The following SDHB variants were observed in gnomAD, a reference collection of about 807,000 sequenced individuals.
SDHB encodes the protein succinate dehydrogenase complex iron sulfur subunit B.
Under a neutral mutation model 39.7 loss-of-function variants are expected in SDHB, and 21 were observed. The ratio of observed to expected loss-of-function variants is 0.53; its 90% CI spans 0.37 to 0.76. The LOEUF is 0.76. Ranked by LOEUF, SDHB falls within the 30% of genes least tolerant of loss-of-function variation. The pLI, the probability that SDHB is intolerant of heterozygous loss-of-function variation, is 0.00. For synonymous variants in SDHB, 118 were observed against 117.0 expected, an observed-to-expected ratio of 1.01 and a Z score of -0.06; for missense variants, 343 against 350.9, an observed-to-expected ratio of 0.98 and a Z score of 0.18.
At chr1:17,022,870 G>T in intron 6 of SDHB, 140 bp from the exon 7 acceptor site, 2 of 1,086,136 alleles carry the variant, frequency 1.8e-6, no homozygotes, top group Non-Finnish European at 1.3e-6. Flanking sequence ...TTTAATTCTT[G>T]TCCATCTTTC....
Position 17,018,752 on chromosome 1 carries a change from T to C in SDHB, c.*129A>G, listed in dbSNP as rs191249882. Reference sequence around the variant, plus strand: ...TTTTTGTTAATAAAGTAGAATAACATTTATTTCTTAAAATTTTTATTATAC... The same window carrying C: ...TTTTTGTTAATAAAGTAGAATAACACTTATTTCTTAAAATTTTTATTATAC... On this transcript the variant is annotated 3_prime_UTR_variant, in exon 8 of 8. Transcript: ENST00000375499. 1.7e-5 allele frequency: 12 copies of C among 698,708 alleles called. No individual in the cohort carries two copies. The highest frequency in any genetic ancestry group is 1.6e-4 in the Admixed American group (7 of 42,858). The allele number at this position is 698,708 out of a possible 1,614,324, so 43.3% of individuals were successfully genotyped here. A position where few individuals can be genotyped will look rare whatever the true frequency, so the allele number is the denominator to read the frequency against.
intron 7 of SDHB, among the ~76,000 whole-genome samples, chr1:17,021,613 T>A (rs1408247994): frequency 6.6e-6 from 1 of 151,974 alleles, no homozygotes; most frequent in African/African-American, 2.4e-5. Context: ...GCATGAGTGG[T>A]GCCTGCCTGT....
chr1:17,030,132 T>C (rs767835707), intron 3 of SDHB, among the ~76,000 whole-genome samples: 1 of 152,068 alleles, frequency 6.6e-6, no homozygotes, highest in African/African-American at 2.4e-5. Flanking sequence ...AAGGTTGCAG[T>C]GAGCAGAGAT....
chr1:17,045,005 ATCT>A (rs2078101783), intron 1 of SDHB, 117 bp from the exon 2 acceptor site: 1 of 879,688 alleles, frequency 1.1e-6, no homozygotes. Flanking sequence ...CTGACACATA[ATCT>A]TCTTAGAAAA....
chr1:17,044,472 G>A (rs1172916150), intron 2 of SDHB, among the ~76,000 whole-genome samples: 2 of 152,024 alleles, frequency 1.3e-5, no homozygotes, highest in African/African-American at 4.8e-5. Flanking sequence ...TTACAGGCAT[G>A]AGCCACTATA....
intron 3 of SDHB, among the ~76,000 whole-genome samples, chr1:17,029,971 G>A (rs551716319): frequency 6.6e-6 from 1 of 152,342 alleles, no homozygotes; most frequent in Admixed American, 6.5e-5. Context: ...GGAGGCTGAG[G>A]TGGGCAGATC....
intron 3 of SDHB, among the ~76,000 whole-genome samples, chr1:17,029,321 T>C (rs2078010507): frequency 6.6e-6 from 1 of 151,890 alleles, no homozygotes; most frequent in African/African-American, 2.4e-5. Flanking sequence ...CAGGGTTTTG[T>C]TATGTTGCCC....
At chr1:17,024,202 G>A in intron 5 of SDHB, 128 bp from the exon 6 acceptor site, 1 of 715,512 alleles carries the variant, frequency 1.4e-6, no homozygotes, top group Non-Finnish European at 2.5e-6. Context: ...AATTTTCTTA[G>A]CAAAATCCAA....
rs774090318 is a variant in SDHB at position 17,024,001 on chromosome 1, T to C, written c.614A>G (p.Lys205Arg). The change falls in exon 6 of 8, where the codon AAA becomes AGA. Residue 205 changes from lysine (K) to arginine (R), a missense_variant. Physicochemically the swap from Lys to Arg is conservative, Grantham distance 26. Transcript: ENST00000375499. ...SCPSYWWNGD[K>R]YLGPAVLMQA... ...CATAAGAACTGCAGGCCCCAGATAT[T>C]TGTCTCCGTTCCACCAGTAGCTGGG... 2.5e-6 allele frequency: 4 copies of C among 1,613,956 alleles called. No individual in the cohort carries two copies. The South Asian group carries it at 3.3e-5, about 13-fold the overall frequency.
intron 2 of SDHB, among the ~76,000 whole-genome samples, chr1:17,038,544 C>T (rs1295054164): frequency 2.0e-5 from 3 of 152,176 alleles, no homozygotes; most frequent in Non-Finnish European, 4.4e-5. Flanking sequence ...CTTACATATG[C>T]CTTCTACTTC....
At chr1:17,042,547 A>G (rs568181846) in intron 2 of SDHB, among the ~76,000 whole-genome samples, 40 of 152,100 alleles carry the variant, frequency 2.6e-4, no homozygotes, top group Non-Finnish European at 3.7e-4. Flanking sequence ...GGAAGCTAAA[A>G]TGGGTGGATT....
At chr1:17,022,510 G>T in intron 7 of SDHB, 98 bp downstream of exon 7, 1 of 1,510,280 alleles carries the variant, frequency 6.6e-7, no homozygotes, top group Non-Finnish European at 9.2e-7. Flanking sequence ...CTTCTCAAAT[G>T]ACTAGGGTTG....
At chr1:17,047,726 G>C (rs2078121747) in intron 1 of SDHB, among the ~76,000 whole-genome samples, 1 of 150,804 alleles carries the variant, frequency 6.6e-6, no homozygotes, top group Non-Finnish European at 1.5e-5. Flanking sequence ...GTCACTGATT[G>C]TGCAGTGGCA....
At chr1:17,033,263 C>T in intron 2 of SDHB, 118 bp from the exon 3 acceptor site, 1 of 821,162 alleles carries the variant, frequency 1.2e-6, no homozygotes, top group East Asian at 2.6e-5. Context: ...TCTCAGGTCA[C>T]CTTCGGAATT....
intron 7 of SDHB, among the ~76,000 whole-genome samples, chr1:17,019,896 C>T (rs1174685105): frequency 6.6e-6 from 1 of 152,082 alleles, no homozygotes; most frequent in African/African-American, 2.4e-5. Context: ...CCACACCTGG[C>T]TAATTAAAAA....
chr1:17,049,076 T>A (rs1178972100), intron 1 of SDHB, among the ~76,000 whole-genome samples: 2 of 152,252 alleles, frequency 1.3e-5, no homozygotes, highest in African/African-American at 4.8e-5. Flanking sequence ...CATGGCTCAC[T>A]GCAGCCTTTA....
chr1:17,035,277 ATACTT>A (rs544776309), intron 2 of SDHB, among the ~76,000 whole-genome samples: 2 of 152,232 alleles, frequency 1.3e-5, no homozygotes, highest in East Asian at 1.9e-4. Context: ...GGTCTGATAA[ATACTT>A]TACATTTTTT....
intron 1 of SDHB, among the ~76,000 whole-genome samples, chr1:17,047,051 T>C (rs144199388): frequency 1.7e-4 from 26 of 152,266 alleles, no homozygotes; most frequent in Non-Finnish European, 2.5e-4. Flanking sequence ...TAGATTCATA[T>C]GCATTTATAG....
chr1:17,052,307 C>T (rs997851810), intron 1 of SDHB: 1 of 152,164 alleles, frequency 6.6e-6, no homozygotes, highest in African/African-American at 2.4e-5. Flanking sequence ...GAATTCAGAA[C>T]CTGAACCTGA....
Sources: allele counts gnomAD v4.1 joint callset (sites outside exome capture counted in the v4.1 genomes callset), GRCh38; gene constraint gnomAD v4.1.1; transcripts MANE v1.5; gene names NCBI Gene and HGNC (gene_info 2026-07-23, HGNC 2026-07-21).